Variants in SLC22A9 observed in about 807,000 individuals in gnomAD.
SLC22A9 encodes the protein organic anion transporter 7.
In SLC22A9, 64 loss-of-function variants were observed where a neutral mutation model predicts 50.1. The ratio of observed to expected loss-of-function variants is 1.28; its 90% CI spans 1.04 to 1.57. The LOEUF (loss-of-function observed/expected upper bound fraction) is 1.57, where lower values mean the gene tolerates loss of function less well. Among genes scored for constraint, SLC22A9 ranks in the 40% most tolerant of loss-of-function variants. SLC22A9 has a pLI of 0.00. For synonymous variants in SLC22A9, 261 were observed against 242.5 expected, an observed-to-expected ratio of 1.08 and a Z score of -0.71; for missense variants, 757 against 676.1, an observed-to-expected ratio of 1.12 and a Z score of -1.33.
At position 63,409,980 on chromosome 11, in the gene SLC22A9, C is replaced by G. The variant is rs2015112162; in HGVS notation, c.*118C>G. ...ACAAGGCTGGGTGCGGTGGCTCACG[C>G]CTGTAATCCCAGCACCTTGGGAGGC... On this transcript the variant is annotated 3_prime_UTR_variant, in exon 10 of 10. Coordinates refer to ENST00000279178, the MANE Select transcript of SLC22A9 (RefSeq NM_080866.3). The G allele has an allele frequency of 2.7e-6, 3 of 1,115,924 alleles. No homozygotes were observed. Among genetic ancestry groups the G allele is most frequent in the Non-Finnish European group, 2.6e-6 (2 of 769,208 alleles). 69.1% of individuals were successfully genotyped at this position (1,115,924 alleles called of 1,614,324 possible).
intron 6 of SLC22A9, among the ~76,000 whole-genome samples, chr11:63,401,931 T>C (rs2014958336): frequency 6.6e-6 from 1 of 152,182 alleles, no homozygotes; most frequent in African/African-American, 2.4e-5. Flanking sequence ...GTTCATGTCC[T>C]TTGCCCATTT....
chr11:63,385,376 C>T lies in SLC22A9; in HGVS notation c.1073+3099C>T, dbSNP rs548879830. ...GAAATAGTATTGAATCTATAAATTG[C>T]TTTGGGCAGTATGGCCATTTTCACG... On this transcript the variant is annotated intron_variant, in intron 6 of 9. Transcript: ENST00000279178. Among the ~76,000 whole-genome samples the T allele has an allele frequency of 2.6e-5, 4 of 152,062 alleles. No homozygotes were observed. The East Asian group carries it at 7.7e-4, about 29-fold the overall frequency.
At chr11:63,375,826 C>A in intron 5 of SLC22A9, 58 bp downstream of exon 5, 1 of 1,590,394 alleles carries the variant, frequency 6.3e-7, no homozygotes, top group Non-Finnish European at 8.6e-7. Flanking sequence ...GTCATCAATA[C>A]TTAGCAGTAG....
At chr11:63,407,425 C>G (rs1439430360) in intron 7 of SLC22A9, among the ~76,000 whole-genome samples, 2 of 152,134 alleles carry the variant, frequency 1.3e-5, no homozygotes, top group African/African-American at 2.4e-5. Flanking sequence ...GTGCTCCACT[C>G]CCCCTCTTGA....
chr11:63,382,113 T>G, intron 5 of SLC22A9, 46 bp from the exon 6 acceptor site: 6 of 1,496,144 alleles, frequency 4.0e-6, no homozygotes, highest in Non-Finnish European at 5.5e-6. Flanking sequence ...CAGTGCCTAC[T>G]CTTTTCTGAC....
Position 63,370,232 on chromosome 11 carries a change from T to C in SLC22A9, c.176T>C (p.Val59Ala). 1 of 1,614,046 alleles carries C rather than the reference T, an allele frequency of 6.2e-7. No individual in the cohort carries two copies. Among genetic ancestry groups the C allele is most frequent in the Non-Finnish European group, 8.5e-7 (1 of 1,179,942 alleles). ...CWVHILDNDT[V>A]SDNDTGALSQ... ...GTCCACATCCTGGACAATGACACTG[T>C]CTCTGACAATGACACTGGGGCCCTC... Residue 59 changes from valine to alanine, a missense_variant, in exon 1 of 10, where the codon GTC becomes GCC. Transcript: ENST00000279178.
At chr11:63,379,430 A>C (rs1473129252) in intron 5 of SLC22A9, among the ~76,000 whole-genome samples, 1 of 152,218 alleles carries the variant, frequency 6.6e-6, no homozygotes, top group Non-Finnish European at 1.5e-5. Flanking sequence ...CATAGAAGAT[A>C]CCATTCTGGA....
At chr11:63,397,903 CA>C (rs137942940) in intron 6 of SLC22A9, among the ~76,000 whole-genome samples, 51,421 of 151,836 alleles carry the variant, frequency 0.34, 9,310 homozygotes, top group East Asian at 0.72. Context: ...ACCTAAGCTG[CA>C]AGACGAAGCC....
chr11:63,409,966 T>G lies in SLC22A9; in HGVS notation c.*104T>G, dbSNP rs1286966138. ...CTAGAAAATAAATAACAAGGCTGGGTGCGGTGGCTCACGCCTGTAATCCCA... is the reference window on the plus strand; with the variant it reads ...CTAGAAAATAAATAACAAGGCTGGGGGCGGTGGCTCACGCCTGTAATCCCA... On this transcript the variant is annotated 3_prime_UTR_variant, in exon 10 of 10. Coordinates refer to ENST00000279178, the MANE Select transcript of SLC22A9 (RefSeq NM_080866.3). 7.5e-7 allele frequency: 1 copy of G among 1,332,870 alleles called. No homozygotes were observed. The highest frequency in any genetic ancestry group is 1.2e-5 in the South Asian group (1 of 81,040). 82.6% of individuals were successfully genotyped at this position (1,332,870 alleles called of 1,614,324 possible).
intron 6 of SLC22A9, among the ~76,000 whole-genome samples, chr11:63,401,017 C>T (rs753289725): frequency 1.3e-5 from 2 of 151,942 alleles, no homozygotes; most frequent in Non-Finnish European, 2.9e-5. Flanking sequence ...ACAATAAGAT[C>T]ATATGTAACA....
chr11:63,399,739 G>A (rs1218439640), intron 6 of SLC22A9, among the ~76,000 whole-genome samples: 1 of 152,048 alleles, frequency 6.6e-6, no homozygotes, highest in Non-Finnish European at 1.5e-5. Context: ...GCAAATGCAG[G>A]ATGTACATTC....
intron 6 of SLC22A9, among the ~76,000 whole-genome samples, chr11:63,392,547 G>A (rs933064219): frequency 2.6e-5 from 4 of 151,776 alleles, no homozygotes; most frequent in South Asian, 4.2e-4. Context: ...TATCATGCTT[G>A]TCTCTCCTGG....
Position 63,370,014 on chromosome 11 carries a change from A to T in SLC22A9, c.-43A>T. On this transcript the variant is annotated 5_prime_UTR_variant, in exon 1 of 10. Coordinates refer to ENST00000279178, the MANE Select transcript of SLC22A9 (RefSeq NM_080866.3). ...TTTCCCTCTTTGAACCTCTCTGGAT[A>T]CAGTCATTTTGCCTCTACTTGAGGA... 1 of 1,571,576 alleles carries T rather than the reference A, an allele frequency of 6.4e-7. No individual in the cohort carries two copies. The highest frequency in any genetic ancestry group is 8.6e-7 in the Non-Finnish European group (1 of 1,158,042).
intron 7 of SLC22A9, 25 bp downstream of exon 7, chr11:63,406,736 A>T: frequency 6.2e-7 from 1 of 1,608,844 alleles, no homozygotes; most frequent in Non-Finnish European, 8.5e-7. Context: ...CAGGTGGAAG[A>T]GAGAAATGCC....
chr11:63,391,951 C>A (rs988066188), intron 6 of SLC22A9, among the ~76,000 whole-genome samples: 2 of 151,964 alleles, frequency 1.3e-5, no homozygotes, highest in Admixed American at 1.3e-4. Flanking sequence ...GTTTTAATCT[C>A]CTACTTTTCA....
At chr11:63,376,462 T>C (rs1395379054) in intron 5 of SLC22A9, among the ~76,000 whole-genome samples, 1 of 151,934 alleles carries the variant, frequency 6.6e-6, no homozygotes. Context: ...ATATATAAAG[T>C]ATTAATCTTA....
chr11:63,407,782 C>T (rs1001095715), intron 7 of SLC22A9, among the ~76,000 whole-genome samples: 1 of 152,060 alleles, frequency 6.6e-6, no homozygotes, highest in African/African-American at 2.4e-5. Flanking sequence ...TATGTTCTAC[C>T]AGGTAGGCAG....
intron 5 of SLC22A9, among the ~76,000 whole-genome samples, chr11:63,380,505 C>CA (rs1406726525): frequency 6.6e-6 from 1 of 151,798 alleles, no homozygotes; most frequent in Non-Finnish European, 1.5e-5. Context: ...ACTAAGCAGC[C>CA]AAAAAAAGAG....
In SLC22A9 at chr11:63,409,885, G is replaced by C; in HGVS notation, c.*23G>C. The C allele has an allele frequency of 6.2e-7, 1 of 1,612,326 alleles. No individual in the cohort carries two copies. ...TAAGGAATTCCAGGAGCTGACTGCC[G>C]ATCAATGAGCCAGATGAAGGGAACA... On this transcript the variant is annotated 3_prime_UTR_variant, in exon 10 of 10. Coordinates refer to ENST00000279178, the MANE Select transcript of SLC22A9 (RefSeq NM_080866.3).
Sources: gnomAD v4.1 joint callset for allele counts (sites outside exome capture counted in the v4.1 genomes callset) on GRCh38, gnomAD v4.1.1 for gene constraint, MANE v1.5 for transcripts, NCBI Gene and HGNC (gene_info 2026-07-23, HGNC 2026-07-21) for gene names.